Variants in HIBADH observed in about 807,000 individuals in gnomAD.
HIBADH encodes the protein 3-hydroxyisobutyrate dehydrogenase.
HIBADH carries 25 observed loss-of-function variants against 36.1 expected under a neutral mutation model. The ratio of observed to expected loss-of-function variants is 0.69; its 90% CI spans 0.50 to 0.97. The LOEUF (loss-of-function observed/expected upper bound fraction) is 0.97, where lower values mean the gene tolerates loss of function less well. Among genes scored for constraint, HIBADH ranks in the 50% least tolerant of loss-of-function variants. HIBADH has a pLI of 0.00. For synonymous variants in HIBADH, 160 were observed against 149.5 expected, an observed-to-expected ratio of 1.07 and a Z score of -0.51; for missense variants, 421 against 418.0, an observed-to-expected ratio of 1.01 and a Z score of -0.06.
rs569968290 is a variant in HIBADH, at chr7:27,542,410, A to G, written c.618+557T>C. ...TAGTTGCTGGGATGACAGACATGTC[A>G]AGATCCTAATAATGAATTTTTTTTC... On this transcript the variant is annotated intron_variant, in intron 5 of 7. Transcript: ENST00000265395. Among the ~76,000 whole-genome samples, 153 of 151,300 alleles carry G rather than the reference A, an allele frequency of 1.0e-3. No individual in the cohort carries two copies. In the Middle Eastern group the frequency reaches 0.014, roughly 14 times the overall value.
Position 27,525,655 on chromosome 7 carries a change from T to G in HIBADH, c.*559A>C, listed in dbSNP as rs1783878297. 6.6e-6 allele frequency: 1 copy of G among 152,194 alleles called. No individual in the cohort carries two copies. The highest frequency in any genetic ancestry group is 6.5e-5 in the Admixed American group (1 of 15,278). The allele number at this position is 152,194 out of a possible 1,614,324, so 9.4% of individuals were successfully genotyped here. Reference sequence around the variant, plus strand: ...GGAGTTGGTGAGGGATATCCTACCATATTGTGACGGAGTCCAAATAGAAAA... The same window carrying G: ...GGAGTTGGTGAGGGATATCCTACCAGATTGTGACGGAGTCCAAATAGAAAA... On this transcript the variant is annotated 3_prime_UTR_variant, in exon 8 of 8. Transcript: ENST00000265395.
intron 4 of HIBADH, among the ~76,000 whole-genome samples, chr7:27,609,805 T>G (rs1785293976): frequency 6.6e-6 from 1 of 152,056 alleles, no homozygotes; most frequent in Non-Finnish European, 1.5e-5. Context: ...AAAAGTAAGT[T>G]TTTAAAAATT....
At chr7:27,529,187 T>C (rs1783956504) in intron 7 of HIBADH, among the ~76,000 whole-genome samples, 1 of 152,190 alleles carries the variant, frequency 6.6e-6, no homozygotes, top group East Asian at 1.9e-4. Flanking sequence ...CTGATGGAGA[T>C]GTACAGGGAG....
At chr7:27,623,781 T>C (rs566470969) in intron 4 of HIBADH, among the ~76,000 whole-genome samples, 3 of 152,120 alleles carry the variant, frequency 2.0e-5, no homozygotes, top group Non-Finnish European at 4.4e-5. Context: ...GACATGCTCA[T>C]AGATCACAAG....
chr7:27,578,596 T>C (rs1784748318), intron 4 of HIBADH, among the ~76,000 whole-genome samples: 1 of 152,102 alleles, frequency 6.6e-6, no homozygotes, highest in Non-Finnish European at 1.5e-5. Context: ...GGATTACAGA[T>C]GTGAGCCACC....
intron 4 of HIBADH, among the ~76,000 whole-genome samples, chr7:27,616,440 T>A (rs1014248114): frequency 6.6e-6 from 1 of 152,136 alleles, no homozygotes; most frequent in Non-Finnish European, 1.5e-5. Flanking sequence ...GGCTAATGTG[T>A]GTGATCATGT....
At chr7:27,564,181 AG>A (rs1784506458) in intron 4 of HIBADH, among the ~76,000 whole-genome samples, 1 of 152,130 alleles carries the variant, frequency 6.6e-6, no homozygotes, top group Non-Finnish European at 1.5e-5. Context: ...TACAGGCGTG[AG>A]CCACCGTGCC....
chr7:27,656,606 T>C (rs1005200844), intron 1 of HIBADH, among the ~76,000 whole-genome samples: 1 of 152,284 alleles, frequency 6.6e-6, no homozygotes, highest in Non-Finnish European at 1.5e-5. Context: ...TTTTTCTGAT[T>C]TTCTGTATGG....
At chr7:27,563,284 C>A (rs559893587) in intron 4 of HIBADH, among the ~76,000 whole-genome samples, 1 of 152,136 alleles carries the variant, frequency 6.6e-6, no homozygotes, top group Non-Finnish European at 1.5e-5. Context: ...GGAGGTTACA[C>A]GGTTTGTTTA....
At chr7:27,601,987 T>C (rs929108156) in intron 4 of HIBADH, among the ~76,000 whole-genome samples, 2 of 152,038 alleles carry the variant, frequency 1.3e-5, no homozygotes, top group Non-Finnish European at 2.9e-5. Flanking sequence ...TGTTTTTAAA[T>C]GAAACAAACC....
intron 4 of HIBADH, among the ~76,000 whole-genome samples, chr7:27,552,151 C>T (rs1042247552): frequency 1.3e-5 from 2 of 152,130 alleles, no homozygotes; most frequent in Non-Finnish European, 1.5e-5. Context: ...AAAAGATTGC[C>T]GTGCACAATC....
intron 1 of HIBADH, 22 bp downstream of exon 1, chr7:27,662,676 G>A (rs907816053): frequency 1.6e-6 from 2 of 1,281,070 alleles, no homozygotes; most frequent in Non-Finnish European, 2.0e-6. Flanking sequence ...AGGACAAGGG[G>A]GAGGAGGCGT....
intron 3 of HIBADH, among the ~76,000 whole-genome samples, chr7:27,630,368 T>G (rs1344672232): frequency 6.6e-6 from 1 of 152,174 alleles, no homozygotes; most frequent in East Asian, 1.9e-4. Context: ...CTTGAACTCC[T>G]GGGCTCAACC....
chr7:27,654,472 G>C (rs1349244987), intron 1 of HIBADH, among the ~76,000 whole-genome samples: 1 of 152,046 alleles, frequency 6.6e-6, no homozygotes, highest in Non-Finnish European at 1.5e-5. Context: ...CAGGAAAAAG[G>C]ACACACTATG....
chr7:27,620,817 C>A (rs1267849398), intron 4 of HIBADH, among the ~76,000 whole-genome samples: 1 of 151,792 alleles, frequency 6.6e-6, no homozygotes, highest in Non-Finnish European at 1.5e-5. Context: ...AGGAAAGAAA[C>A]AAAATATATA....
At chr7:27,550,311 A>G (rs766140236) in intron 4 of HIBADH, among the ~76,000 whole-genome samples, 4 of 152,204 alleles carry the variant, frequency 2.6e-5, no homozygotes, top group Admixed American at 6.5e-5. Flanking sequence ...GGAGAACTAC[A>G]TAACTCACTG....
chr7:27,603,250 A>ACC (rs1481414626), intron 4 of HIBADH, among the ~76,000 whole-genome samples: 6 of 152,184 alleles, frequency 3.9e-5, no homozygotes, highest in Non-Finnish European at 8.8e-5. Context: ...CCATAGTGTT[A>ACC]AAACTGCAAT....
chr7:27,599,098 C>G (rs976105762), intron 4 of HIBADH, among the ~76,000 whole-genome samples: 1 of 151,898 alleles, frequency 6.6e-6, no homozygotes, highest in Non-Finnish European at 1.5e-5. Flanking sequence ...AATTTTAGTT[C>G]GTTACGGAAA....
intron 1 of HIBADH, 34 bp downstream of exon 1, chr7:27,662,661 AAAG>A (rs1399015793): frequency 2.4e-5 from 29 of 1,230,568 alleles, no homozygotes; most frequent in Non-Finnish European, 2.9e-5. Flanking sequence ...CGAGCGGCCG[AAAG>A]AAGGACAAGG....
Sources: gnomAD v4.1 joint callset for allele counts (sites outside exome capture counted in the v4.1 genomes callset) on GRCh38, gnomAD v4.1.1 for gene constraint, MANE v1.5 for transcripts, NCBI Gene and HGNC (gene_info 2026-07-23, HGNC 2026-07-21) for gene names.